GALNT14: variants seen among roughly 807,000 people sequenced by gnomAD.
GALNT14 encodes polypeptide N-acetylgalactosaminyltransferase 14.
GALNT14 carries 60 observed loss-of-function variants against 77.5 expected under a neutral mutation model. The observed-to-expected ratio is 0.77, with a 90% confidence interval of 0.63 to 0.96. GALNT14 has a LOEUF of 0.96. Ranked by LOEUF, GALNT14 falls within the 40% of genes least tolerant of loss-of-function variation. The pLI, the probability that GALNT14 is intolerant of heterozygous loss-of-function variation, is 0.00. For synonymous variants in GALNT14, 280 were observed against 281.7 expected (o/e 0.99, Z 0.06); for missense variants, 710 against 731.0 (o/e 0.97, Z 0.33).
intron 1 of GALNT14, among the ~76,000 whole-genome samples, chr2:31,023,152 A>T (rs1033079274): frequency 4.5e-5 from 5 of 110,986 alleles, no homozygotes; most frequent in African/African-American, 2.2e-4. Context: ...AGTGGGGAAA[A>T]ACAAAAACAA....
intron 1 of GALNT14, among the ~76,000 whole-genome samples, chr2:31,015,528 T>C (rs1269555827): frequency 1.3e-5 from 2 of 152,106 alleles, no homozygotes; most frequent in South Asian, 4.1e-4. Context: ...TCAAAGTACA[T>C]CCTCCAATGT....
At chr2:31,015,446 G>A (rs1433654048) in intron 1 of GALNT14, among the ~76,000 whole-genome samples, 3 of 152,098 alleles carry the variant, frequency 2.0e-5, no homozygotes, top group East Asian at 1.9e-4. Context: ...AAAAGGGTCC[G>A]GAAAATCTGC....
At chr2:31,009,380 T>C (rs943834359) in intron 1 of GALNT14, among the ~76,000 whole-genome samples, 2 of 152,142 alleles carry the variant, frequency 1.3e-5, no homozygotes, top group African/African-American at 4.8e-5. Context: ...GACTTTGGCA[T>C]CTTCTTCATT....
chr2:30,981,741 CA>C (rs201689789), intron 2 of GALNT14, among the ~76,000 whole-genome samples: 2,301 of 152,274 alleles, frequency 0.015, 31 homozygotes, highest in Non-Finnish European at 0.026. Context: ...CCAGTTTCCG[CA>C]TGCTTTTACC....
intron 1 of GALNT14, among the ~76,000 whole-genome samples, chr2:31,136,065 G>T (rs1679216372): frequency 1.3e-5 from 2 of 152,164 alleles, no homozygotes; most frequent in Admixed American, 1.3e-4. Flanking sequence ...CTACATCACA[G>T]GGAGCAGAAC....
At chr2:31,114,885 C>T in intron 1 of GALNT14, 1 of 702,066 alleles carries the variant, frequency 1.4e-6, no homozygotes, top group Non-Finnish European at 2.6e-6. Context: ...GAACAGGTAA[C>T]TAACAAAGAA....
At chr2:31,046,503 C>T (rs58091345) in intron 1 of GALNT14, among the ~76,000 whole-genome samples, 68,441 of 152,000 alleles carry the variant, frequency 0.45, 15,907 homozygotes, top group African/African-American at 0.55. Context: ...GCTGGGATTA[C>T]GGGCGTGAGC....
At chr2:31,047,545 A>G (rs1404662315) in intron 1 of GALNT14, among the ~76,000 whole-genome samples, 3 of 152,186 alleles carry the variant, frequency 2.0e-5, no homozygotes, top group African/African-American at 7.2e-5. Context: ...GATGATGGAC[A>G]CTACAAGCAA....
At chr2:30,912,013 G>A (rs1664391515) in intron 14 of GALNT14, among the ~76,000 whole-genome samples, 2 of 152,174 alleles carry the variant, frequency 1.3e-5, no homozygotes, top group Non-Finnish European at 1.5e-5. Context: ...GGCTTTCATG[G>A]GGCAGGCTGA....
At chr2:30,976,992 C>A (rs79291710) in intron 2 of GALNT14, among the ~76,000 whole-genome samples, 3,397 of 152,218 alleles carry the variant, frequency 0.022, 137 homozygotes, top group African/African-American at 0.078. Flanking sequence ...TCTGGTTCCC[C>A]CCTACCAGTC....
chr2:31,015,297 GAAAAAAAAA>G (rs57122032), intron 1 of GALNT14, among the ~76,000 whole-genome samples: 1 of 121,026 alleles, frequency 8.3e-6, no homozygotes, highest in Non-Finnish European at 1.8e-5. Flanking sequence ...CATCTCAAAG[GAAAAAAAAA>G]AAAAAAAAAA....
intron 13 of GALNT14, among the ~76,000 whole-genome samples, chr2:30,920,854 C>T (rs888415387): frequency 2.8e-4 from 42 of 152,154 alleles, no homozygotes; most frequent in African/African-American, 8.7e-4. Context: ...GTCCCTGGGC[C>T]GTGGTACAGT....
At chr2:31,039,488 C>G (rs964115113) in intron 1 of GALNT14, among the ~76,000 whole-genome samples, 1 of 152,182 alleles carries the variant, frequency 6.6e-6, no homozygotes, top group African/African-American at 2.4e-5. Context: ...ATCGGGCCGG[C>G]TTACCAATCT....
chr2:30,892,213 G>A, the GALNT14 span, among the ~76,000 whole-genome samples: 3 of 152,150 alleles, frequency 2.0e-5, no homozygotes, highest in African/African-American at 7.2e-5. Flanking sequence ...AGAGAACAAA[G>A]CAAAGAAACA....
chr2:31,011,464 T>C (rs1013330265), intron 1 of GALNT14, among the ~76,000 whole-genome samples: 2 of 152,144 alleles, frequency 1.3e-5, no homozygotes, highest in African/African-American at 2.4e-5. Context: ...AGGGGTTACA[T>C]AGCAGAGGCA....
At chr2:31,031,734 A>G (rs747425821) in intron 1 of GALNT14, among the ~76,000 whole-genome samples, 35 of 152,166 alleles carry the variant, frequency 2.3e-4, no homozygotes, top group Middle Eastern at 3.2e-3. Flanking sequence ...GAAAATAGCT[A>G]CCATCCTTAG....
intron 8 of GALNT14, among the ~76,000 whole-genome samples, chr2:30,944,656 C>A (rs1198068169): frequency 1.3e-5 from 2 of 152,172 alleles, no homozygotes; most frequent in African/African-American, 2.4e-5. Context: ...CAGCACAGGC[C>A]TCTGCTGGCC....
intron 2 of GALNT14, among the ~76,000 whole-genome samples, chr2:30,968,094 G>T (rs569155555): frequency 2.2e-4 from 34 of 152,232 alleles, no homozygotes; most frequent in Non-Finnish European, 4.1e-4. Context: ...CTCTTTTCTC[G>T]CAGTTCTCGT....
chr2:31,065,987 C>T (rs371739584), intron 1 of GALNT14, among the ~76,000 whole-genome samples: 2 of 152,184 alleles, frequency 1.3e-5, no homozygotes, highest in Non-Finnish European at 2.9e-5. Flanking sequence ...ATCCCCGCCC[C>T]ACCCTCTTCC....
Sources: gnomAD v4.1 joint callset for allele counts (sites outside exome capture counted in the v4.1 genomes callset) on GRCh38, gnomAD v4.1.1 for gene constraint, MANE v1.5 for transcripts, NCBI Gene and HGNC (gene_info 2026-07-23, HGNC 2026-07-21) for gene names.